WWOX: variants seen among roughly 807,000 people sequenced by gnomAD.
The protein encoded by WWOX is WW domain containing oxidoreductase, also known as WW domain-containing oxidoreductase.
Under a neutral mutation model 46.2 loss-of-function variants are expected in WWOX, and 69 were observed. The observed-to-expected ratio is 1.49, with a 90% CI of 1.23 to 1.82. The LOEUF (loss-of-function observed/expected upper bound fraction) is 1.82. WWOX is among the 40% of genes most tolerant of loss of function. The probability of loss-of-function intolerance (pLI) is 0.00; values close to 1 mark genes in which losing one functional copy is unlikely to be tolerated. For synonymous variants in WWOX, 359 were observed against 202.6 expected (o/e 1.77, Z -6.56); for missense variants, 919 against 542.6 (o/e 1.69, Z -6.89).
intron 8 of WWOX, among the ~76,000 whole-genome samples, chr16:79,000,403 A>C (rs2047070473): frequency 6.6e-6 from 1 of 152,066 alleles, no homozygotes; most frequent in Non-Finnish European, 1.5e-5. Context: ...GTTGCTATTC[A>C]CTCATCTTCA....
intron 8 of WWOX, among the ~76,000 whole-genome samples, chr16:78,996,910 G>A (rs1418034154): frequency 1.3e-5 from 2 of 152,212 alleles, no homozygotes; most frequent in African/African-American, 2.4e-5. Context: ...CCGGAGAAGA[G>A]CATTTTGCTT....
chr16:79,085,269 G>C (rs1435780733), intron 8 of WWOX, among the ~76,000 whole-genome samples: 1 of 152,072 alleles, frequency 6.6e-6, no homozygotes, highest in Non-Finnish European at 1.5e-5. Flanking sequence ...ACCTTCTGGA[G>C]GTCTCTTAGA....
At chr16:79,115,113 G>C (rs910075873) in intron 8 of WWOX, among the ~76,000 whole-genome samples, 1 of 152,200 alleles carries the variant, frequency 6.6e-6, no homozygotes, top group African/African-American at 2.4e-5. Context: ...CTCCCACCCT[G>C]TGCTGCCACG....
At chr16:78,258,390 A>G (rs1367031751) in intron 5 of WWOX, among the ~76,000 whole-genome samples, 3 of 152,170 alleles carry the variant, frequency 2.0e-5, no homozygotes, top group Non-Finnish European at 4.4e-5. Flanking sequence ...CTTTTTTGGT[A>G]TTAACATATT....
intron 5 of WWOX, among the ~76,000 whole-genome samples, chr16:78,238,959 A>T (rs1335022020): frequency 6.7e-6 from 1 of 149,608 alleles, no homozygotes; most frequent in Non-Finnish European, 1.5e-5. Context: ...ATCGGCCCCC[A>T]AGGGTTTGAT....
intron 8 of WWOX, among the ~76,000 whole-genome samples, chr16:78,950,034 C>T (rs948359623): frequency 2.0e-5 from 3 of 152,272 alleles, no homozygotes; most frequent in South Asian, 2.1e-4. Flanking sequence ...CAAGGCTGTG[C>T]AGCTCTAGGT....
chr16:78,459,885 G>T (rs1021814362), intron 8 of WWOX, among the ~76,000 whole-genome samples: 2 of 151,192 alleles, frequency 1.3e-5, no homozygotes, highest in South Asian at 2.1e-4. Flanking sequence ...GCTCACTGCA[G>T]TCTTGACCAC....
At chr16:78,409,473 G>A (rs1020711911) in intron 6 of WWOX, among the ~76,000 whole-genome samples, 9 of 152,036 alleles carry the variant, frequency 5.9e-5, no homozygotes, top group African/African-American at 2.2e-4. Context: ...TCTGGGTGTC[G>A]CTTTTGGAGT....
intron 8 of WWOX, among the ~76,000 whole-genome samples, chr16:78,818,296 A>C (rs2051395579): frequency 3.9e-5 from 6 of 152,172 alleles, no homozygotes; most frequent in Admixed American, 3.9e-4. Flanking sequence ...GACAAGTTCC[A>C]GCTCCTGCCC....
intron 8 of WWOX, among the ~76,000 whole-genome samples, chr16:79,123,144 C>A (rs559481526): frequency 6.6e-6 from 1 of 152,160 alleles, no homozygotes; most frequent in South Asian, 2.1e-4. Context: ...GGTAGGGAAG[C>A]AACAGAGTAC....
chr16:78,248,430 G>A (rs1013328319), intron 5 of WWOX, among the ~76,000 whole-genome samples: 6 of 152,116 alleles, frequency 3.9e-5, no homozygotes, highest in African/African-American at 1.2e-4. Context: ...CACCTCCAAC[G>A]TTAGGGATTA....
intron 8 of WWOX, among the ~76,000 whole-genome samples, chr16:78,522,576 T>G (rs761735733): frequency 6.6e-6 from 1 of 152,238 alleles, no homozygotes; most frequent in Non-Finnish European, 1.5e-5. Flanking sequence ...ACATCTACAC[T>G]GGGAAATTGC....
At chr16:78,642,314 C>A (rs1358821808) in intron 8 of WWOX, among the ~76,000 whole-genome samples, 2 of 152,152 alleles carry the variant, frequency 1.3e-5, no homozygotes, top group African/African-American at 4.8e-5. Context: ...GACTAGGAAT[C>A]AGAGTTGGGA....
intron 5 of WWOX, among the ~76,000 whole-genome samples, chr16:78,173,126 T>G (rs1376094413): frequency 1.3e-5 from 2 of 152,188 alleles, no homozygotes; most frequent in Admixed American, 1.3e-4. Context: ...TAGGTTAAGG[T>G]TTATTTTAGA....
intron 8 of WWOX, among the ~76,000 whole-genome samples, chr16:79,182,537 C>A (rs910933073): frequency 6.6e-6 from 1 of 151,734 alleles, no homozygotes; most frequent in African/African-American, 2.4e-5. Flanking sequence ...AAGTAATTAG[C>A]GGGGCCTGTT....
chr16:79,175,329 C>T (rs2050779410), intron 8 of WWOX, among the ~76,000 whole-genome samples: 1 of 152,172 alleles, frequency 6.6e-6, no homozygotes, highest in Admixed American at 6.5e-5. Context: ...AAAGACTGAC[C>T]TTTTCACTTA....
At chr16:78,454,786 C>T (rs999938657) in intron 8 of WWOX, among the ~76,000 whole-genome samples, 1 of 152,176 alleles carries the variant, frequency 6.6e-6, no homozygotes, top group Non-Finnish European at 1.5e-5. Context: ...CTTGAGCCAC[C>T]GTGCCCACCT....
intron 8 of WWOX, among the ~76,000 whole-genome samples, chr16:78,706,909 C>T (rs76229327): frequency 7.9e-5 from 12 of 152,272 alleles, no homozygotes; most frequent in East Asian, 3.9e-4. Flanking sequence ...GCAGTGTTCC[C>T]GCCTCGGCCT....
At chr16:78,724,551 C>T (rs949736125) in intron 8 of WWOX, among the ~76,000 whole-genome samples, 1 of 152,068 alleles carries the variant, frequency 6.6e-6, no homozygotes, top group African/African-American at 2.4e-5. Flanking sequence ...TATTTACAGT[C>T]CTTATGTTAT....
Sources: gnomAD v4.1 joint callset for allele counts (sites outside exome capture counted in the v4.1 genomes callset) on GRCh38, gnomAD v4.1.1 for gene constraint, MANE v1.5 for transcripts, NCBI Gene and HGNC (gene_info 2026-07-23, HGNC 2026-07-21) for gene names.